MSN: variants seen among roughly 807,000 people sequenced by gnomAD.
MSN encodes epididymis luminal protein 70.
A neutral mutation model predicts 48.0 loss-of-function variants in MSN; 2 were observed. That is an observed-to-expected ratio of 0.04 (90% CI 0.02 to 0.13). The LOEUF is 0.13. Ranked by LOEUF, MSN falls within the 10% of genes least tolerant of loss-of-function variation. The pLI, the probability that MSN is intolerant of heterozygous loss-of-function variation, is 1.00. For missense variants in MSN, 267 were observed against 470.1 expected, an observed-to-expected ratio of 0.57 and a Z score of 3.99; for synonymous variants, 146 against 166.9, an observed-to-expected ratio of 0.87 and a Z score of 0.97.
At chrX:65,600,573 C>G (rs748153952) in intron 1 of MSN, 11 of 112,160 alleles carry the variant, frequency 9.8e-5, no homozygotes, top group Admixed American at 1.9e-4. Context: ...AGCTTGAAAT[C>G]CTATTACTGC....
chrX:65,632,684 C>T, intron 1 of MSN, among the ~76,000 whole-genome samples: 1 of 111,395 alleles, frequency 9.0e-6, no homozygotes, highest in East Asian at 2.8e-4. Flanking sequence ...CTTTGTATGA[C>T]TTGGGCATAT....
intron 2 of MSN, among the ~76,000 whole-genome samples, chrX:65,721,804 T>A (rs2071519274): frequency 8.9e-6 from 1 of 112,109 alleles, no homozygotes; most frequent in South Asian, 3.7e-4. Context: ...CTAGCTAGGT[T>A]GGGCATGGTG....
intron 7 of MSN, among the ~76,000 whole-genome samples, chrX:65,734,488 C>T (rs1265560161): frequency 1.8e-5 from 2 of 111,781 alleles, no homozygotes; most frequent in African/African-American, 3.3e-5. Flanking sequence ...GGATTTATAC[C>T]TGCACCCCAA....
At chrX:65,725,013 C>T (rs1274891097) in intron 2 of MSN, among the ~76,000 whole-genome samples, 3 of 111,868 alleles carry the variant, frequency 2.7e-5, no homozygotes, top group Non-Finnish European at 5.6e-5. Context: ...AATAAAATAC[C>T]TGGAGCTAGT....
chrX:65,650,154 C>T (rs2070731427), intron 1 of MSN, among the ~76,000 whole-genome samples: 1 of 104,240 alleles, frequency 9.6e-6, no homozygotes, highest in African/African-American at 3.5e-5. Context: ...ACTCCCCCTC[C>T]TGGATTCACT....
At chrX:65,651,455 C>A (rs1364928296) in intron 1 of MSN, among the ~76,000 whole-genome samples, 1 of 108,621 alleles carries the variant, frequency 9.2e-6, no homozygotes, top group African/African-American at 3.3e-5. Flanking sequence ...TTATTTCAAA[C>A]TATAAGTGCT....
chrX:65,650,988 A>G (rs918584939), intron 1 of MSN, among the ~76,000 whole-genome samples: 2 of 111,702 alleles, frequency 1.8e-5, no homozygotes, highest in Non-Finnish European at 3.8e-5. Flanking sequence ...TTCCACTTAT[A>G]AAGACCGTTG....
intron 1 of MSN, among the ~76,000 whole-genome samples, chrX:65,620,253 G>A (rs2070424765): frequency 8.9e-6 from 1 of 112,589 alleles, no homozygotes; most frequent in Admixed American, 9.3e-5. Context: ...GAGCTTCCCG[G>A]CTGCTTTGTT....
intron 1 of MSN, among the ~76,000 whole-genome samples, chrX:65,669,975 G>T: frequency 8.9e-6 from 1 of 111,891 alleles, no homozygotes; most frequent in African/African-American, 3.2e-5. Flanking sequence ...CTGACCCAAT[G>T]ATTGAGTTCT....
intron 1 of MSN, among the ~76,000 whole-genome samples, chrX:65,634,562 G>A (rs750784308): frequency 1.4e-4 from 15 of 110,844 alleles, no homozygotes; most frequent in Non-Finnish European, 2.5e-4. Context: ...GTAGTGAGCC[G>A]AGATCGCAAC....
chrX:65,677,643 A>G (rs2071013748), intron 1 of MSN, among the ~76,000 whole-genome samples: 1 of 110,628 alleles, frequency 9.0e-6, no homozygotes, highest in Non-Finnish European at 1.9e-5. Context: ...CTGTAATCCC[A>G]GCTACTTGGG....
chrX:65,676,759 G>A (rs1569461110), intron 1 of MSN, among the ~76,000 whole-genome samples: 1 of 111,096 alleles, frequency 9.0e-6, no homozygotes, highest in Non-Finnish European at 1.9e-5. Flanking sequence ...GTTTAGATAA[G>A]GTTCCTGATC....
chrX:65,702,657 C>G (rs922361316), intron 1 of MSN, among the ~76,000 whole-genome samples: 1 of 96,196 alleles, frequency 1.0e-5, no homozygotes, highest in Non-Finnish European at 1.9e-5. Flanking sequence ...CAGAGTGAGA[C>G]TCTGTCTAAA....
At chrX:65,736,699 G>A in intron 8 of MSN, 96 bp from the exon 9 acceptor site, 1 of 1,006,113 alleles carries the variant, frequency 9.9e-7, no homozygotes, top group Non-Finnish European at 1.3e-6. Flanking sequence ...GCCTCCCAAA[G>A]TGCTGGGATT....
At chrX:65,691,476 C>A (rs1302461946) in intron 1 of MSN, among the ~76,000 whole-genome samples, 1 of 111,736 alleles carries the variant, frequency 8.9e-6, no homozygotes, top group South Asian at 3.7e-4. Context: ...TATACTTTCA[C>A]ATGTAGATGT....
rs752844911 is a variant in MSN at position 65,695,081 on chromosome X, C to CGTGT, written c.13-21711_13-21708dup. Among the ~76,000 whole-genome samples, 230 of 99,886 alleles carry CGTGT rather than the reference C, an allele frequency of 2.3e-3. 2 individuals are homozygous for CGTGT. Among genetic ancestry groups the CGTGT allele is most frequent in the Middle Eastern group, 5.1e-3 (1 of 195 alleles). The allele number at this position is 99,886 out of a possible 115,157, so 86.7% of individuals were successfully genotyped here. A position where few individuals can be genotyped will look rare whatever the true frequency, so the allele number is the denominator to read the frequency against. On this transcript the variant is annotated intron_variant, in intron 1 of 12. Coordinates refer to ENST00000360270, the MANE Select transcript of MSN (RefSeq NM_002444.3). ...TCTTCTTTGTGTGTGTGTGTGTCTG[C>CGTGT]GTGTGTGTGTGTGTGTGTGTGTGTG... is the stretch of plus-strand genomic sequence containing the variant.
intron 1 of MSN, among the ~76,000 whole-genome samples, chrX:65,708,033 A>G (rs1238539972): frequency 3.6e-5 from 4 of 109,854 alleles, no homozygotes; most frequent in Non-Finnish European, 7.6e-5. Context: ...TTTTTTTTAA[A>G]TAGAGATGGT....
intron 7 of MSN, among the ~76,000 whole-genome samples, chrX:65,734,075 A>T (rs2071651271): frequency 8.9e-6 from 1 of 111,968 alleles, no homozygotes; most frequent in Admixed American, 9.4e-5. Flanking sequence ...CTCCAGAGCA[A>T]TCCAAGACCA....
In MSN at chrX:65,740,694, C is replaced by G. The variant is rs1258366100; in HGVS notation, c.*801C>G. The G allele has an allele frequency of 5.7e-6, 1 of 174,092 alleles. No homozygotes were observed. Among genetic ancestry groups the G allele is most frequent in the East Asian group, 8.1e-5 (1 of 12,281 alleles). The allele number at this position is 174,092 out of a possible 1,213,427, so 14.3% of individuals were successfully genotyped here. On this transcript the variant is annotated 3_prime_UTR_variant, in exon 13 of 13. Coordinates refer to ENST00000360270, the MANE Select transcript of MSN (RefSeq NM_002444.3). ...AGTGAGCTCTATGGGCAGATCTACC[C>G]CTTACTTATTATTCCAGATCTGCAG...
Sources: allele counts gnomAD v4.1 joint callset (sites outside exome capture counted in the v4.1 genomes callset), GRCh38; gene constraint gnomAD v4.1.1; transcripts MANE v1.5; gene names NCBI Gene and HGNC (gene_info 2026-07-23, HGNC 2026-07-21).